Variants in G3BP1 observed in about 807,000 individuals in gnomAD.
G3BP1 encodes ras GTPase-activating protein-binding protein 1.
G3BP1 carries 35 observed loss-of-function variants against 58.6 expected under a neutral mutation model. That is an observed-to-expected ratio of 0.60 (90% CI 0.46 to 0.79). The LOEUF is 0.79. Among genes scored for constraint, G3BP1 ranks in the 30% least tolerant of loss-of-function variants. The probability of loss-of-function intolerance (pLI) is 0.00; values close to 1 mark genes in which losing one functional copy is unlikely to be tolerated. For missense variants in G3BP1, 523 were observed against 580.8 expected, an observed-to-expected ratio of 0.90 and a Z score of 1.02; for synonymous variants, 191 against 195.4, an observed-to-expected ratio of 0.98 and a Z score of 0.19.
intron 10 of G3BP1, 83 bp from the exon 11 acceptor site, chr5:151,800,677 G>A: frequency 3.6e-6 from 3 of 836,142 alleles, no homozygotes; most frequent in Non-Finnish European, 4.2e-6. Context: ...CATGCATCTA[G>A]TGGCTACTGT....
chr5:151,809,574 A>T lies in G3BP1; in HGVS notation c.*5483A>T, dbSNP rs536639726. On this transcript the variant is annotated 3_prime_UTR_variant, in exon 12 of 12. Coordinates refer to ENST00000356245, the MANE Select transcript of G3BP1 (RefSeq NM_005754.3). ...TTGGTTATTACCAAAAGGAACAGAG[A>T]AACTCTCAGAATTCTTTGAATCATA... 1.3e-5 allele frequency: 2 copies of T among 152,304 alleles called. No homozygotes were observed. The highest frequency in any genetic ancestry group is 1.3e-4 in the Admixed American group (2 of 15,296). 9.4% of individuals were successfully genotyped at this position (152,304 alleles called of 1,614,324 possible). A position where few individuals can be genotyped will look rare whatever the true frequency, so the allele number is the denominator to read the frequency against.
intron 1 of G3BP1, among the ~76,000 whole-genome samples, chr5:151,782,703 C>G (rs1762487907): frequency 6.6e-6 from 1 of 151,626 alleles, no homozygotes; most frequent in Admixed American, 6.6e-5. Context: ...CTTTTTTTTC[C>G]CCTCTGATAT....
intron 2 of G3BP1, among the ~76,000 whole-genome samples, chr5:151,788,337 A>C (rs1192908358): frequency 6.6e-6 from 1 of 152,080 alleles, no homozygotes; most frequent in Non-Finnish European, 1.5e-5. Flanking sequence ...AGGGGTTAAA[A>C]ATTTGCAGGT....
Position 151,790,367 on chromosome 5 carries a change from C to G in G3BP1, c.140C>G (p.Ser47Ter). 6.3e-7 allele frequency: 1 copy of G among 1,585,290 alleles called. No individual in the cohort carries two copies. Among genetic ancestry groups the G allele is most frequent in the East Asian group, 2.3e-5 (1 of 43,092 alleles). Residue 47 changes from serine (S) to a stop codon, truncating the protein, a stop_gained, in exon 3 of 12, where the codon TCA (serine) becomes TGA (stop). Coordinates refer to ENST00000356245, the MANE Select transcript of G3BP1 (RefSeq NM_005754.3). LOFTEE classifies it high-confidence loss of function. ...TCTTATGTCCATGGGGGATTGGATT[C>G]AAATGGAAAGCCAGCAGATGCAGTC... ...NSSYVHGGLD[S>*]NGKPADAVYG...
At chr5:151,772,582 T>G (rs1015819364) in intron 1 of G3BP1, 3 of 152,302 alleles carry the variant, frequency 2.0e-5, no homozygotes, top group African/African-American at 7.2e-5. Context: ...TAACAACCAA[T>G]GTTCTTTCCA....
chr5:151,791,300 C>G (rs1270378756), intron 4 of G3BP1: 6 of 352,072 alleles, frequency 1.7e-5, no homozygotes, highest in East Asian at 4.7e-5. Context: ...CTCTTCCATT[C>G]TGTAGTACAG....
intron 7 of G3BP1, 57 bp downstream of exon 7, chr5:151,797,485 T>G: frequency 6.6e-7 from 1 of 1,525,420 alleles, no homozygotes; most frequent in Non-Finnish European, 8.9e-7. Context: ...TAAAAAAAGT[T>G]TCTGTTCTTT....
intron 5 of G3BP1, among the ~76,000 whole-genome samples, chr5:151,795,127 A>G (rs1197603382): frequency 1.3e-5 from 2 of 152,148 alleles, no homozygotes; most frequent in East Asian, 3.8e-4. Flanking sequence ...AATACAAAAA[A>G]TTAGCCAGGC....
At chr5:151,800,429 G>T in intron 10 of G3BP1, 83 bp downstream of exon 10, 2 of 950,694 alleles carry the variant, frequency 2.1e-6, no homozygotes, top group South Asian at 1.9e-5. Flanking sequence ...AGCCACATAT[G>T]TAATTATAAA....
chr5:151,790,941 T>C lies in G3BP1; in HGVS notation c.230T>C (p.Ile77Thr). 6.2e-7 allele frequency: 1 copy of C among 1,611,018 alleles called. No individual in the cohort carries two copies. The highest frequency in any genetic ancestry group is 1.1e-5 in the South Asian group (1 of 90,936). The change falls in exon 4 of 12, where the codon ATT becomes ACT. Residue 77 changes from isoleucine (I) to threonine (T), a missense_variant. This residue lies in a region of G3BP1 where 398 missense variants were observed against 399.1 expected (regional missense o/e 1.00). Transcript: ENST00000356245. ...SQNFTNCHTK[I>T]RHVDAHATLN... ...AACTTCACCAACTGCCACACCAAGA[T>C]TCGCCATGTTGATGCTCATGCCACG...
At chr5:151,794,373 A>G in intron 5 of G3BP1, 124 bp downstream of exon 5, 1 of 631,488 alleles carries the variant, frequency 1.6e-6, no homozygotes, top group Non-Finnish European at 2.8e-6. Context: ...ATAACTAATT[A>G]TGGTATATGA....
At chr5:151,781,993 A>AT (rs199969733) in intron 1 of G3BP1, among the ~76,000 whole-genome samples, 3,259 of 147,620 alleles carry the variant, frequency 0.022, 55 homozygotes, top group African/African-American at 0.044. Context: ...AATGCTTGGG[A>AT]TTTTTTTTTT....
intron 7 of G3BP1, 27 bp downstream of exon 7, chr5:151,797,455 C>T: frequency 6.3e-7 from 1 of 1,575,074 alleles, no homozygotes; most frequent in South Asian, 1.2e-5. Context: ...CATTTTTATT[C>T]TATTCCTAGT....
chr5:151,807,834 T>G lies in G3BP1; in HGVS notation c.*3743T>G, dbSNP rs1317619190. On this transcript the variant is annotated 3_prime_UTR_variant, in exon 12 of 12. Transcript: ENST00000356245. Reference sequence around the variant, plus strand: ...GAGCTTAGATTTGTAGACCACTGTTTATGCTGAGTGACATTTCTTTTAAAT... The same window carrying G: ...GAGCTTAGATTTGTAGACCACTGTTGATGCTGAGTGACATTTCTTTTAAAT... 1.3e-5 allele frequency: 2 copies of G among 152,226 alleles called. No homozygotes were observed. Among genetic ancestry groups the G allele is most frequent in the Non-Finnish European group, 2.9e-5 (2 of 68,028 alleles). The allele number at this position is 152,226 out of a possible 1,614,324, so 9.4% of individuals were successfully genotyped here. A position where few individuals can be genotyped will look rare whatever the true frequency, so the allele number is the denominator to read the frequency against.
intron 1 of G3BP1, among the ~76,000 whole-genome samples, chr5:151,777,172 C>T (rs534415657): frequency 5.9e-5 from 9 of 152,230 alleles, no homozygotes; most frequent in South Asian, 2.1e-4. Context: ...CAGATGTTGG[C>T]TTCTGTATTC....
In G3BP1 at chr5:151,800,781, T is replaced by G; in HGVS notation, c.1106T>G (p.Leu369Trp). The G allele has an allele frequency of 6.2e-7, 1 of 1,610,824 alleles. No homozygotes were observed. The highest frequency in any genetic ancestry group is 8.5e-7 in the Non-Finnish European group (1 of 1,177,034). Residue 369 changes from leucine (L) to tryptophan (W), a missense_variant, in exon 11 of 12, where the codon TTG becomes TGG. This residue lies in a region of G3BP1 where 125 missense variants were observed against 181.7 expected (regional missense o/e 0.69). Transcript: ENST00000356245. ...GCAGGTTATGGAAACGTGGTGGAGT[T>G]GCGCATTAACAGTGGTGGGAAATTA... ...FFQSYGNVVE[L>W]RINSGGKLPN...
At position 151,791,000 on chromosome 5, in the gene G3BP1, C is replaced by T; in HGVS notation, c.289C>T (p.Leu97Phe). 1 of 1,613,480 alleles carries T rather than the reference C, an allele frequency of 6.2e-7. No homozygotes were observed. The highest frequency in any genetic ancestry group is 8.5e-7 in the Non-Finnish European group (1 of 1,179,660). Residue 97 changes from leucine (L) to phenylalanine (F), a missense_variant, in exon 4 of 12, where the codon CTT becomes TTT. Transcript: ENST00000356245. Reference sequence around the variant, plus strand: ...TGGTGTGGTAGTCCAGGTGATGGGGCTTCTCTCTAACAACAACCAGGCTTT... The same window carrying T: ...TGGTGTGGTAGTCCAGGTGATGGGGTTTCTCTCTAACAACAACCAGGCTTT... ...NDGVVVQVMG[L>F]LSNNNQALRR...
At chr5:151,783,003 G>A (rs143556243) in intron 1 of G3BP1, among the ~76,000 whole-genome samples, 19,807 of 151,558 alleles carry the variant, frequency 0.13, 1,398 homozygotes, top group African/African-American at 0.16. Context: ...GATTACAGGC[G>A]CACGCCACCA....
chr5:151,784,888 A>G (rs949500245), intron 1 of G3BP1, among the ~76,000 whole-genome samples: 9 of 152,238 alleles, frequency 5.9e-5, no homozygotes, highest in Non-Finnish European at 8.8e-5. Context: ...ATGGGAAACT[A>G]TAAGCGTATT....
Sources: allele counts gnomAD v4.1 joint callset (sites outside exome capture counted in the v4.1 genomes callset), GRCh38; gene constraint gnomAD v4.1.1; regional missense constraint gnomAD v4.1.1; transcripts MANE v1.5; gene names NCBI Gene and HGNC (gene_info 2026-07-23, HGNC 2026-07-21).